NKAIN3: variants seen among roughly 807,000 people sequenced by gnomAD.
NKAIN3 encodes sodium/potassium transporting ATPase interacting 3, also known as sodium/potassium-transporting ATPase subunit beta-1-interacting protein 3.
A neutral mutation model predicts 30.2 loss-of-function variants in NKAIN3; 25 were observed. The observed-to-expected ratio is 0.83, with a 90% confidence interval of 0.60 to 1.16. NKAIN3 has a LOEUF of 1.16. Ranked by LOEUF, NKAIN3 falls within the 50% of genes most tolerant of loss-of-function variation. The pLI is 0.00. For synonymous variants in NKAIN3, 91 were observed against 89.6 expected, an observed-to-expected ratio of 1.02 and a Z score of -0.09; for missense variants, 225 against 254.1, an observed-to-expected ratio of 0.89 and a Z score of 0.78.
chr8:62,325,138 A>T (rs1815073061), intron 1 of NKAIN3, among the ~76,000 whole-genome samples: 2 of 151,842 alleles, frequency 1.3e-5, no homozygotes, highest in South Asian at 4.1e-4. Flanking sequence ...CCAGCTCCCA[A>T]CCTTCACCCT....
intron 1 of NKAIN3, among the ~76,000 whole-genome samples, chr8:62,346,860 C>T (rs1816023847): frequency 6.6e-6 from 1 of 152,100 alleles, no homozygotes; most frequent in South Asian, 2.1e-4. Context: ...GGAATGGGTA[C>T]ATTAACTGCT....
rs1471058640 is a variant in NKAIN3, at chr8:62,307,365, CCT to C, written c.54+58248_54+58249del. Among the ~76,000 whole-genome samples the C allele has an allele frequency of 2.1e-4, 32 of 149,430 alleles. 2 individuals are homozygous for C. The highest frequency in any genetic ancestry group is 7.9e-4 in the African/African-American group (31 of 39,222). On this transcript the variant is annotated intron_variant, in intron 1 of 6. Transcript: ENST00000623646. ...GTCTCTCCTTCTTTCCTCTCTCCCT[CCT>C]CTCTCTCTCCTTCTCTTTATCCCCT... is the stretch of plus-strand genomic sequence containing the variant.
intron 1 of NKAIN3, among the ~76,000 whole-genome samples, chr8:62,564,721 A>G (rs190793132): frequency 2.7e-3 from 409 of 152,228 alleles, no homozygotes; most frequent in African/African-American, 8.4e-3. Context: ...AAAGTTAACC[A>G]TTGCTTCTTG....
At chr8:62,678,781 A>G (rs927003643) in intron 3 of NKAIN3, among the ~76,000 whole-genome samples, 1 of 151,908 alleles carries the variant, frequency 6.6e-6, no homozygotes, top group Non-Finnish European at 1.5e-5. Context: ...ATGCTATATA[A>G]ATTTTTTTCT....
chr8:62,416,408 G>T (rs536957260), intron 1 of NKAIN3, among the ~76,000 whole-genome samples: 2 of 152,192 alleles, frequency 1.3e-5, no homozygotes, highest in East Asian at 3.9e-4. Context: ...TTCTCTAGAT[G>T]GTCTCCTAAT....
chr8:62,532,454 A>G (rs2129846533), intron 1 of NKAIN3, among the ~76,000 whole-genome samples: 1 of 152,092 alleles, frequency 6.6e-6, no homozygotes, highest in South Asian at 2.1e-4. Context: ...TGTTAACTAC[A>G]GCATAATAAA....
At chr8:62,529,297 C>G (rs1347721359) in intron 1 of NKAIN3, among the ~76,000 whole-genome samples, 1 of 152,210 alleles carries the variant, frequency 6.6e-6, no homozygotes, top group African/African-American at 2.4e-5. Flanking sequence ...TGTAGTTTTA[C>G]TTCAAATTAT....
chr8:62,894,898 A>G (rs1475367806), intron 4 of NKAIN3, among the ~76,000 whole-genome samples: 2 of 152,298 alleles, frequency 1.3e-5, no homozygotes, highest in East Asian at 1.9e-4. Flanking sequence ...TATCACATCA[A>G]TATTCCAGGC....
rs145462706 is a variant in NKAIN3 at position 62,840,048 on chromosome 8, T to C, written c.472-78405T>C. Among the ~76,000 whole-genome samples the C allele has an allele frequency of 7.9e-5, 12 of 152,242 alleles. No homozygotes were observed. In the East Asian group the frequency reaches 2.1e-3, roughly 27 times the overall value. On this transcript the variant is annotated intron_variant, in intron 4 of 6. Transcript: ENST00000623646. ...TCATGCTTATGTATTCATATCCACA[T>C]ACATCCCCTCCAAAGCACTGCTCTT... is the stretch of plus-strand genomic sequence containing the variant.
chr8:62,436,142 A>G (rs1805167109), intron 1 of NKAIN3, among the ~76,000 whole-genome samples: 1 of 152,174 alleles, frequency 6.6e-6, no homozygotes, highest in Non-Finnish European at 1.5e-5. Context: ...ACTGCTCTCA[A>G]ATATTATATA....
chr8:62,337,668 G>A (rs553307997), intron 1 of NKAIN3, among the ~76,000 whole-genome samples: 2 of 151,918 alleles, frequency 1.3e-5, no homozygotes, highest in Admixed American at 6.6e-5. Flanking sequence ...TGCACAGCAC[G>A]TGCACACACC....
intron 4 of NKAIN3, among the ~76,000 whole-genome samples, chr8:62,822,586 A>T (rs1205459855): frequency 6.6e-6 from 1 of 152,208 alleles, no homozygotes; most frequent in Non-Finnish European, 1.5e-5. Flanking sequence ...CATAATTTTC[A>T]ACTCTTTCTC....
At chr8:62,396,938 C>A (rs1002095371) in intron 1 of NKAIN3, among the ~76,000 whole-genome samples, 4 of 152,136 alleles carry the variant, frequency 2.6e-5, no homozygotes, top group African/African-American at 9.7e-5. Context: ...GGACAAAAGC[C>A]CTTGAGCGGG....
At chr8:62,549,429 A>G (rs967873234) in intron 1 of NKAIN3, among the ~76,000 whole-genome samples, 2 of 152,144 alleles carry the variant, frequency 1.3e-5, no homozygotes, top group Admixed American at 6.6e-5. Context: ...ATTTAGCCTC[A>G]ATAAGAAGTA....
intron 1 of NKAIN3, among the ~76,000 whole-genome samples, chr8:62,497,331 G>A (rs535958085): frequency 6.6e-6 from 1 of 152,124 alleles, no homozygotes; most frequent in Non-Finnish European, 1.5e-5. Context: ...AATAGTAGTA[G>A]AAGATAGGAT....
chr8:62,601,328 A>G (rs1810977667), intron 3 of NKAIN3, among the ~76,000 whole-genome samples: 1 of 152,018 alleles, frequency 6.6e-6, no homozygotes, highest in Admixed American at 6.6e-5. Context: ...TTAAAGAGGA[A>G]TGGAGGTAGG....
Position 62,640,353 on chromosome 8 carries a change from T to C in NKAIN3, c.273+50559T>C, listed in dbSNP as rs959563461. Among the ~76,000 whole-genome samples, 6 of 152,084 alleles carry C rather than the reference T, an allele frequency of 3.9e-5. No individual in the cohort carries two copies. The East Asian group carries it at 1.2e-3, about 29-fold the overall frequency. ...TTATAAGGGGCTCTTCCCCCTTTGC[T>C]TTGCCCTCTCTCTCACCTGCCGCCA... On this transcript the variant is annotated intron_variant, in intron 3 of 6. Coordinates refer to ENST00000623646, the MANE Select transcript of NKAIN3 (RefSeq NM_001304533.3).
rs1007583995 is a variant in NKAIN3, at chr8:62,975,457, G to A, written c.*10050G>A. Among the ~76,000 whole-genome samples, 4 of 152,176 alleles carry A rather than the reference G, an allele frequency of 2.6e-5. No individual in the cohort carries two copies. Among genetic ancestry groups the A allele is most frequent in the Non-Finnish European group, 4.4e-5 (3 of 68,024 alleles). ...TTTTTTAGTTTATTTGGATAGAGTT[G>A]TTTGTAATATTCTCTGACGGTAGTT... On this transcript the variant is annotated 3_prime_UTR_variant, in exon 7 of 7. Coordinates refer to ENST00000623646, the MANE Select transcript of NKAIN3 (RefSeq NM_001304533.3).
At chr8:62,722,912 A>C (rs1030436477) in intron 3 of NKAIN3, among the ~76,000 whole-genome samples, 2 of 152,192 alleles carry the variant, frequency 1.3e-5, no homozygotes, top group Non-Finnish European at 2.9e-5. Flanking sequence ...GCTGTCTCCT[A>C]CAGCCATCCA....
Sources: allele counts gnomAD v4.1 joint callset (sites outside exome capture counted in the v4.1 genomes callset), GRCh38; gene constraint gnomAD v4.1.1; transcripts MANE v1.5; gene names NCBI Gene and HGNC (gene_info 2026-07-23, HGNC 2026-07-21).